The following SLC16A12 variants were observed in gnomAD, a reference collection of about 807,000 sequenced individuals.
The protein encoded by SLC16A12 is solute carrier family 16 member 12.
In SLC16A12, 17 loss-of-function variants were observed where a neutral mutation model predicts 42.4. That is an observed-to-expected ratio of 0.40 (90% CI 0.27 to 0.60). SLC16A12 has a LOEUF of 0.60. SLC16A12 is among the 20% of genes least tolerant of loss of function. SLC16A12 has a pLI of 0.42. For missense variants in SLC16A12, 544 were observed against 623.0 expected, an observed-to-expected ratio of 0.87 and a Z score of 1.35; for synonymous variants, 224 against 229.4, an observed-to-expected ratio of 0.98 and a Z score of 0.21.
intron 2 of SLC16A12, among the ~76,000 whole-genome samples, chr10:89,481,393 C>T (rs1363749063): frequency 6.6e-6 from 1 of 151,846 alleles, no homozygotes; most frequent in East Asian, 1.9e-4. Flanking sequence ...ATATACTTGG[C>T]GTAGTTGACA....
chr10:89,452,271 G>C (rs1318760031), intron 3 of SLC16A12, among the ~76,000 whole-genome samples: 1 of 152,212 alleles, frequency 6.6e-6, no homozygotes, highest in African/African-American at 2.4e-5. Flanking sequence ...TTAGTTTTGT[G>C]CAGGGTTTCT....
At chr10:89,506,085 T>C (rs370514838) in intron 2 of SLC16A12, among the ~76,000 whole-genome samples, 10 of 152,146 alleles carry the variant, frequency 6.6e-5, no homozygotes, top group South Asian at 2.1e-4. Flanking sequence ...CAGGGACTTA[T>C]AGATAAAGCC....
chr10:89,432,906 G>A lies in SLC16A12; in HGVS notation c.*158C>T. 2 of 1,030,300 alleles carry A rather than the reference G, an allele frequency of 1.9e-6. No homozygotes were observed. Among genetic ancestry groups the A allele is most frequent in the East Asian group, 2.7e-5 (1 of 37,542 alleles). The allele number at this position is 1,030,300 out of a possible 1,614,324, so 63.8% of individuals were successfully genotyped here. A position where few individuals can be genotyped will look rare whatever the true frequency, so the allele number is the denominator to read the frequency against. The stretch of plus-strand genomic sequence containing the variant: ...GCTAGTCCAGCTTTCCTTATTATGT[G>A]CTGTTTTCCCTTATAAATATTAATA... On this transcript the variant is annotated 3_prime_UTR_variant, in exon 8 of 8. Coordinates refer to ENST00000371790, the MANE Select transcript of SLC16A12 (RefSeq NM_213606.4).
At chr10:89,484,881 G>T (rs952866258) in intron 2 of SLC16A12, among the ~76,000 whole-genome samples, 16 of 152,194 alleles carry the variant, frequency 1.1e-4, no homozygotes, top group African/African-American at 3.9e-4. Context: ...TGACAGCCAC[G>T]TTTGTGCTAC....
chr10:89,481,248 C>T (rs1450029586), intron 2 of SLC16A12, among the ~76,000 whole-genome samples: 2 of 152,150 alleles, frequency 1.3e-5, no homozygotes, highest in South Asian at 2.1e-4. Context: ...AATGAATGAG[C>T]TCTTCCTGTA....
intron 1 of SLC16A12, 28 bp from the exon 2 acceptor site, chr10:89,534,668 AAAATCC>A (rs1843621230): frequency 6.7e-6 from 1 of 149,246 alleles, no homozygotes; most frequent in Non-Finnish European, 1.5e-5. Flanking sequence ...AAAAAAAAAA[AAAATCC>A]AAAAATTAGC....
At chr10:89,447,091 G>A (rs1290176791) in intron 3 of SLC16A12, among the ~76,000 whole-genome samples, 1 of 152,126 alleles carries the variant, frequency 6.6e-6, no homozygotes. Context: ...CAATACAGGA[G>A]CACCCAAATT....
intron 2 of SLC16A12, among the ~76,000 whole-genome samples, chr10:89,543,799 C>T (rs934003336): frequency 6.6e-6 from 1 of 152,052 alleles, no homozygotes; most frequent in African/African-American, 2.4e-5. Flanking sequence ...TGTGTCACTG[C>T]ACTCCAGCCT....
chr10:89,555,264 C>T lies in SLC16A12; in HGVS notation c.-47+618G>A, dbSNP rs572396705. On this transcript the variant is annotated intron_variant, in intron 2 of 2. Transcript: ENST00000475682. The stretch of plus-strand genomic sequence containing the variant: ...CTCAAGCAATCCTCCTGCTACTCAA[C>T]CTGTTGAGTAGCAGGCACTACAGGC... Among the ~76,000 whole-genome samples the T allele has an allele frequency of 4.2e-4, 64 of 151,512 alleles. 1 individual carries two copies. The highest frequency in any genetic ancestry group is 2.7e-3 in the South Asian group (13 of 4,776).
At chr10:89,550,844 T>C (rs1239480415) in intron 2 of SLC16A12, among the ~76,000 whole-genome samples, 13 of 152,220 alleles carry the variant, frequency 8.5e-5, no homozygotes. Context: ...AGGGGTCTAA[T>C]GTTAATTGCA....
At chr10:89,476,064 T>G (rs1170763477) in intron 2 of SLC16A12, among the ~76,000 whole-genome samples, 2 of 152,196 alleles carry the variant, frequency 1.3e-5, no homozygotes, top group Non-Finnish European at 2.9e-5. Context: ...TGGCATAAAG[T>G]CGGTGCTCAA....
chr10:89,541,709 G>C (rs1332951681), intron 2 of SLC16A12, among the ~76,000 whole-genome samples: 1 of 152,156 alleles, frequency 6.6e-6, no homozygotes, highest in Non-Finnish European at 1.5e-5. Flanking sequence ...TTTGTTGTGG[G>C]GCTCCCCTGT....
At chr10:89,546,003 A>G (rs35999721) in intron 2 of SLC16A12, among the ~76,000 whole-genome samples, 14,388 of 152,206 alleles carry the variant, frequency 0.095, 733 homozygotes, top group Non-Finnish European at 0.11. Context: ...GAAAACTGAA[A>G]CTGGACCCGT....
At chr10:89,465,903 T>G (rs969035524) in intron 2 of SLC16A12, among the ~76,000 whole-genome samples, 3 of 152,168 alleles carry the variant, frequency 2.0e-5, no homozygotes, top group Non-Finnish European at 4.4e-5. Context: ...TGTTTCCCTG[T>G]TCTTAAGAAA....
At chr10:89,434,238 A>G (rs1373784518) in intron 7 of SLC16A12, among the ~76,000 whole-genome samples, 1 of 152,254 alleles carries the variant, frequency 6.6e-6, no homozygotes, top group East Asian at 1.9e-4. Context: ...AACAAAAAAG[A>G]CTGAGTACAC....
intron 2 of SLC16A12, among the ~76,000 whole-genome samples, chr10:89,545,728 A>T (rs1288844357): frequency 6.6e-6 from 1 of 152,252 alleles, no homozygotes; most frequent in East Asian, 1.9e-4. Flanking sequence ...TTTCATATGG[A>T]ATCAAAGAAA....
chr10:89,475,138 G>A (rs1842557776), intron 2 of SLC16A12, among the ~76,000 whole-genome samples: 1 of 152,174 alleles, frequency 6.6e-6, no homozygotes, highest in African/African-American at 2.4e-5. Context: ...AGAATTAAAT[G>A]TCTGCCTCTA....
intron 5 of SLC16A12, 98 bp from the exon 6 acceptor site, chr10:89,439,281 A>C: frequency 3.2e-6 from 4 of 1,258,700 alleles, no homozygotes; most frequent in Non-Finnish European, 4.5e-6. Context: ...CTGACCTCTC[A>C]TTAAACCCTT....
rs529399846 is a variant in SLC16A12 at position 89,436,834 on chromosome 10, A to G, written c.1029-515T>C. On this transcript the variant is annotated intron_variant, in intron 6 of 7. Coordinates refer to ENST00000371790, the MANE Select transcript of SLC16A12 (RefSeq NM_213606.4). ...AGGAAGGAAGGAAGGAAGGAAGGAA[A>G]TAAGGAGAAAGAAAGAAAAGAAAGA... Among the ~76,000 whole-genome samples, 330 of 109,558 alleles carry G rather than the reference A, an allele frequency of 3.0e-3. 1 individual carries two copies. Among genetic ancestry groups the G allele is most frequent in the African/African-American group, 0.01 (257 of 25,160 alleles). The allele number at this position is 109,558 out of a possible 152,430, so 71.9% of individuals were successfully genotyped here. A position where few individuals can be genotyped will look rare whatever the true frequency, so the allele number is the denominator to read the frequency against.
Sources: allele counts gnomAD v4.1 joint callset (sites outside exome capture counted in the v4.1 genomes callset), GRCh38; gene constraint gnomAD v4.1.1; transcripts MANE v1.5; gene names NCBI Gene and HGNC (gene_info 2026-07-23, HGNC 2026-07-21).